The following NCAM2 variants were observed in gnomAD, a reference collection of about 807,000 sequenced individuals.
NCAM2 encodes neural cell adhesion molecule 2.
NCAM2 carries 30 observed loss-of-function variants against 98.1 expected under a neutral mutation model. The observed-to-expected ratio is 0.31, with a 90% CI of 0.23 to 0.41. The LOEUF is 0.41. Among genes scored for constraint, NCAM2 ranks in the 10% least tolerant of loss-of-function variants. NCAM2 has a pLI of 1.00. For synonymous variants in NCAM2, 368 were observed against 342.4 expected (o/e 1.07, Z -0.83); for missense variants, 867 against 1,005.8 (o/e 0.86, Z 1.87).
rs539723004 is a variant in NCAM2 at position 21,477,425 on chromosome 21, G to C, written c.2031G>C (p.Pro677=). Residue 677 remains proline, a synonymous_variant, in exon 15 of 18, where the codon CCG becomes CCC. Transcript: ENST00000400546. ...TAANRLGYSE[P]TVYEFSMPPK... is the part of the protein sequence containing the mutation. ...CCAATAGATTGGGATATTCTGAACC[G>C]ACAGTTTATGAATTCAGCATGCCAC... The C allele has an allele frequency of 6.2e-7, 1 of 1,608,114 alleles. No homozygotes were observed. The highest frequency in any genetic ancestry group is 2.2e-5 in the East Asian group (1 of 44,702).
intron 1 of NCAM2, among the ~76,000 whole-genome samples, chr21:21,030,536 G>A (rs1307411279): frequency 1.3e-5 from 2 of 152,080 alleles, no homozygotes; most frequent in African/African-American, 2.4e-5. Context: ...CCCATCTCAC[G>A]ATTCGTATCT....
intron 11 of NCAM2, among the ~76,000 whole-genome samples, chr21:21,427,202 T>C (rs1225779063): frequency 6.6e-6 from 1 of 151,192 alleles, no homozygotes; most frequent in African/African-American, 2.4e-5. Context: ...GTATGTTTCC[T>C]GAGAAGAGAG....
At position 21,108,448 on chromosome 21, in the gene NCAM2, A is replaced by G. The variant is rs114276248; in HGVS notation, c.55+109830A>G. Among the ~76,000 whole-genome samples, 612 of 152,234 alleles carry G rather than the reference A, an allele frequency of 4.0e-3. 2 individuals are homozygous for G. Among genetic ancestry groups the G allele is most frequent in the African/African-American group, 0.014 (595 of 41,566 alleles). ...AAGCTGTCACACTACCATCCAAATT[A>G]CTGTCAAAAATGAGTATGCTAATTG... is the stretch of plus-strand genomic sequence containing the variant. On this transcript the variant is annotated intron_variant, in intron 1 of 17. Transcript: ENST00000400546.
At chr21:21,212,789 C>T (rs2069711510) in intron 1 of NCAM2, among the ~76,000 whole-genome samples, 1 of 141,776 alleles carries the variant, frequency 7.1e-6, no homozygotes, top group Non-Finnish European at 1.5e-5. Flanking sequence ...GTCGCCCAGG[C>T]TGGAGTGCAG....
chr21:21,166,996 T>A (rs2067973494), intron 1 of NCAM2, among the ~76,000 whole-genome samples: 2 of 152,248 alleles, frequency 1.3e-5, no homozygotes, highest in Non-Finnish European at 1.5e-5. Flanking sequence ...ACCTGCTGAC[T>A]ACCCTTCTCT....
intron 1 of NCAM2, among the ~76,000 whole-genome samples, chr21:21,017,519 A>G (rs2064337835): frequency 6.6e-6 from 1 of 151,326 alleles, no homozygotes; most frequent in Non-Finnish European, 1.5e-5. Context: ...TTTGAAATGG[A>G]CCGATGAGGC....
At chr21:21,430,240 C>G (rs1253814314) in intron 11 of NCAM2, among the ~76,000 whole-genome samples, 1 of 151,736 alleles carries the variant, frequency 6.6e-6, no homozygotes, top group African/African-American at 2.4e-5. Flanking sequence ...GTTGACCAGG[C>G]TGGTCTCAAA....
At chr21:21,179,131 G>T (rs1344657302) in intron 1 of NCAM2, among the ~76,000 whole-genome samples, 1 of 152,008 alleles carries the variant, frequency 6.6e-6, no homozygotes, top group Non-Finnish European at 1.5e-5. Flanking sequence ...TGAATTTAAG[G>T]TTAGGAGACT....
intron 9 of NCAM2, among the ~76,000 whole-genome samples, chr21:21,375,021 G>A (rs954561810): frequency 2.0e-5 from 3 of 151,562 alleles, no homozygotes; most frequent in African/African-American, 7.3e-5. Context: ...TGTGGGGTTG[G>A]GGGAGAGGGG....
intron 1 of NCAM2, among the ~76,000 whole-genome samples, chr21:21,181,143 T>C (rs2068455094): frequency 6.6e-6 from 1 of 152,180 alleles, no homozygotes; most frequent in Admixed American, 6.5e-5. Context: ...AGCACAGTTT[T>C]GTATGCCTTT....
At chr21:21,473,481 G>A (rs1224960910) in intron 14 of NCAM2, among the ~76,000 whole-genome samples, 1 of 150,146 alleles carries the variant, frequency 6.7e-6, no homozygotes. Flanking sequence ...CTTCTGTGAG[G>A]TCATGTAAAT....
chr21:21,167,265 C>T (rs573121857), intron 1 of NCAM2, among the ~76,000 whole-genome samples: 3 of 151,814 alleles, frequency 2.0e-5, no homozygotes, highest in East Asian at 1.9e-4. Flanking sequence ...ATTATCAGAT[C>T]GCTAAAAATT....
chr21:21,383,077 T>C (rs1569002062), intron 9 of NCAM2, among the ~76,000 whole-genome samples: 1 of 152,200 alleles, frequency 6.6e-6, no homozygotes, highest in Non-Finnish European at 1.5e-5. Flanking sequence ...ATTGTTCCTT[T>C]ACAATTCACC....
In NCAM2 at chr21:21,396,886, C is replaced by A. The variant is rs563814691; in HGVS notation, c.1196-13388C>A. On this transcript the variant is annotated intron_variant, in intron 9 of 17. Transcript: ENST00000400546. ...CCCAGAAGGACCACAGCTCTTCTCT[C>A]CTTCTCATTGCCTGCAACGTGGCAA... 3.9e-4 allele frequency among the ~76,000 whole-genome samples: 60 copies of A among 152,326 alleles called. No homozygotes were observed. In the South Asian group the frequency reaches 0.012, roughly 32 times the overall value.
At chr21:21,160,981 G>A (rs754488521) in intron 1 of NCAM2, among the ~76,000 whole-genome samples, 8 of 151,908 alleles carry the variant, frequency 5.3e-5, no homozygotes, top group Non-Finnish European at 8.8e-5. Flanking sequence ...TTCAGTATAC[G>A]TAAGATCACT....
chr21:21,301,053 G>A lies in NCAM2; in HGVS notation c.619+8812G>A, dbSNP rs575878713. On this transcript the variant is annotated intron_variant, in intron 5 of 17. Transcript: ENST00000400546. ...CTTCTTTTGAGAAGTATTTGTTCGT[G>A]TCCTTTGCCCATTTCTTTAAATGGG... 2.0e-3 allele frequency among the ~76,000 whole-genome samples: 304 copies of A among 152,008 alleles called. 3 individuals carry two copies. Among genetic ancestry groups the A allele is most frequent in the Admixed American group, 3.2e-3 (49 of 15,214 alleles).
chr21:21,472,644 T>C (rs1049207417), intron 14 of NCAM2, among the ~76,000 whole-genome samples: 2 of 151,608 alleles, frequency 1.3e-5, no homozygotes, highest in Non-Finnish European at 2.9e-5. Context: ...CACTATACAA[T>C]TATAAATAGT....
chr21:21,517,973 C>T (rs1362714548), intron 16 of NCAM2, among the ~76,000 whole-genome samples: 1 of 152,146 alleles, frequency 6.6e-6, no homozygotes, highest in Non-Finnish European at 1.5e-5. Flanking sequence ...AATCCCAGTA[C>T]ACTTGGAGAA....
chr21:21,323,257 A>T (rs2074424214), intron 5 of NCAM2, among the ~76,000 whole-genome samples: 2 of 152,202 alleles, frequency 1.3e-5, no homozygotes, highest in African/African-American at 4.8e-5. Context: ...CTTTTGTAAT[A>T]CTAGTAATTA....
Sources: gnomAD v4.1 joint callset for allele counts (sites outside exome capture counted in the v4.1 genomes callset) on GRCh38, gnomAD v4.1.1 for gene constraint, MANE v1.5 for transcripts, NCBI Gene and HGNC (gene_info 2026-07-23, HGNC 2026-07-21) for gene names.